Variants in KCNN2 observed in about 807,000 individuals in gnomAD.
KCNN2 encodes the protein potassium calcium-activated channel subfamily N member 2.
In KCNN2, 24 loss-of-function variants were observed where a neutral mutation model predicts 55.5. That is an observed-to-expected ratio of 0.43 (90% CI 0.31 to 0.61). The LOEUF (loss-of-function observed/expected upper bound fraction) is 0.61, where lower values mean the gene tolerates loss of function less well. KCNN2 is among the 20% of genes least tolerant of loss of function. The pLI is 0.08. For synonymous variants in KCNN2, 431 were observed against 336.1 expected, an observed-to-expected ratio of 1.28 and a Z score of -3.09; for missense variants, 754 against 853.6, an observed-to-expected ratio of 0.88 and a Z score of 1.45.
At chr5:114,135,384 A>T (rs766412859) in intron 1 of KCNN2, among the ~76,000 whole-genome samples, 1 of 152,212 alleles carries the variant, frequency 6.6e-6, no homozygotes, top group Admixed American at 6.5e-5. Context: ...CATATGAAGG[A>T]AGAGAACCAA....
At chr5:114,242,424 C>A (rs1047915248) in intron 2 of KCNN2, among the ~76,000 whole-genome samples, 3 of 152,146 alleles carry the variant, frequency 2.0e-5, no homozygotes, top group Non-Finnish European at 4.4e-5. Context: ...GATAACATAT[C>A]TAACAGGCAT....
intron 1 of KCNN2, among the ~76,000 whole-genome samples, chr5:114,155,026 G>T (rs887311362): frequency 4.0e-5 from 6 of 151,822 alleles, no homozygotes; most frequent in African/African-American, 1.5e-4. Context: ...TTCCTGATCT[G>T]CTCCCTCCTC....
chr5:114,279,702 A>T (rs568750083), intron 2 of KCNN2, among the ~76,000 whole-genome samples: 5 of 152,280 alleles, frequency 3.3e-5, no homozygotes, highest in African/African-American at 1.2e-4. Flanking sequence ...TCTATCATTG[A>T]TGGACATGTG....
chr5:114,091,468 T>C (rs1442680243), intron 1 of KCNN2, among the ~76,000 whole-genome samples: 1 of 152,156 alleles, frequency 6.6e-6, no homozygotes, highest in Non-Finnish European at 1.5e-5. Context: ...ATAAAAAATA[T>C]TTCCCAGTGG....
chr5:114,126,837 TG>T (rs945770217), intron 1 of KCNN2, among the ~76,000 whole-genome samples: 3 of 152,080 alleles, frequency 2.0e-5, no homozygotes, highest in Admixed American at 1.3e-4. Context: ...CTAGATACAA[TG>T]GGGGTACAGG....
intron 2 of KCNN2, among the ~76,000 whole-genome samples, chr5:114,384,794 G>A (rs1758226136): frequency 6.6e-6 from 1 of 152,154 alleles, no homozygotes; most frequent in Admixed American, 6.5e-5. Context: ...TGCACTGGAA[G>A]GGACCGGATT....
At chr5:114,170,679 A>G (rs1753014040) in intron 1 of KCNN2, among the ~76,000 whole-genome samples, 1 of 151,946 alleles carries the variant, frequency 6.6e-6, no homozygotes, top group South Asian at 2.1e-4. Context: ...TGATAGCCTT[A>G]AATATTTGTA....
chr5:114,234,751 T>C (rs1754438995), intron 2 of KCNN2, among the ~76,000 whole-genome samples: 1 of 151,972 alleles, frequency 6.6e-6, no homozygotes. Context: ...CGGGGAAACA[T>C]TTAGGGAGCA....
At position 114,404,705 on chromosome 5, in the gene KCNN2, T is replaced by G; in HGVS notation, c.1486T>G (p.Ser496Ala). 1 of 1,614,120 alleles carries G rather than the reference T, an allele frequency of 6.2e-7. No individual in the cohort carries two copies. Among genetic ancestry groups the G allele is most frequent in the Non-Finnish European group, 8.5e-7 (1 of 1,180,020 alleles). Residue 496 changes from serine to alanine, a missense_variant, in exon 3 of 8, where the codon TCC (serine) becomes GCC (alanine). Transcript: ENST00000673685. ...ACATAGCAAACTTTTCACTGATGCCTCCTCTAGAAGCATTGGAGCACTTAA... is the reference window on the plus strand; with the variant it reads ...ACATAGCAAACTTTTCACTGATGCCGCCTCTAGAAGCATTGGAGCACTTAA... Reference protein sequence around the residue: ...LLHSKLFTDASSRSIGALNKI... With the variant: ...LLHSKLFTDAASRSIGALNKI...
At chr5:114,221,013 G>A (rs1376363266) in intron 1 of KCNN2, among the ~76,000 whole-genome samples, 2 of 152,198 alleles carry the variant, frequency 1.3e-5, no homozygotes, top group Admixed American at 1.3e-4. Flanking sequence ...AGTGACCCAA[G>A]TAGTAAATAT....
intron 1 of KCNN2, among the ~76,000 whole-genome samples, chr5:114,213,718 G>T (rs1753937634): frequency 6.6e-6 from 1 of 151,802 alleles, no homozygotes; most frequent in South Asian, 2.1e-4. Context: ...CGTTGGTCTT[G>T]CTGTCTTTGA....
chr5:114,107,676 A>C (rs932689198), intron 1 of KCNN2, among the ~76,000 whole-genome samples: 1 of 151,958 alleles, frequency 6.6e-6, no homozygotes, highest in African/African-American at 2.4e-5. Context: ...CATTATAGGC[A>C]TGCACCACCT....
intron 1 of KCNN2, among the ~76,000 whole-genome samples, chr5:114,123,483 C>T (rs1350319365): frequency 8.6e-6 from 1 of 116,338 alleles, no homozygotes; most frequent in Non-Finnish European, 1.8e-5. Flanking sequence ...CTGTCTCAGC[C>T]TCCCGCGTAG....
chr5:114,305,306 A>T (rs2150023945), intron 2 of KCNN2, among the ~76,000 whole-genome samples: 1 of 152,308 alleles, frequency 6.6e-6, no homozygotes, highest in Admixed American at 6.5e-5. Context: ...ACGATCTCTG[A>T]ACAAACAGGA....
intron 1 of KCNN2, among the ~76,000 whole-genome samples, chr5:114,162,041 G>C (rs191324476): frequency 6.6e-6 from 1 of 152,182 alleles, no homozygotes; most frequent in Non-Finnish European, 1.5e-5. Context: ...TCCATTGCTG[G>C]TGAGGAGCTG....
intron 3 of KCNN2, among the ~76,000 whole-genome samples, chr5:114,406,137 C>T (rs1267214865): frequency 6.7e-6 from 1 of 150,312 alleles, no homozygotes; most frequent in Non-Finnish European, 1.5e-5. Context: ...ACCCTGACCA[C>T]CCCCCAGCCC....
intron 2 of KCNN2, among the ~76,000 whole-genome samples, chr5:114,303,903 G>T (rs1380024524): frequency 6.6e-6 from 1 of 152,160 alleles, no homozygotes; most frequent in East Asian, 1.9e-4. Flanking sequence ...AGAATTTCTG[G>T]AATCAATTCT....
chr5:114,348,759 C>A (rs1194333742), intron 2 of KCNN2, among the ~76,000 whole-genome samples: 1 of 152,076 alleles, frequency 6.6e-6, no homozygotes, highest in African/African-American at 2.4e-5. Flanking sequence ...TCACTTATGC[C>A]ACCTCGGAAA....
chr5:114,163,437 C>T (rs2112534350), intron 1 of KCNN2, among the ~76,000 whole-genome samples: 1 of 152,192 alleles, frequency 6.6e-6, no homozygotes, highest in Non-Finnish European at 1.5e-5. Flanking sequence ...TTATATATGG[C>T]TGTTATTAAT....
Sources: gnomAD v4.1 joint callset for allele counts (sites outside exome capture counted in the v4.1 genomes callset) on GRCh38, gnomAD v4.1.1 for gene constraint, MANE v1.5 for transcripts, NCBI Gene and HGNC (gene_info 2026-07-23, HGNC 2026-07-21) for gene names.